The following FAM219A variants were observed in gnomAD, a reference collection of about 807,000 sequenced individuals.
The protein encoded by FAM219A is family with sequence similarity 219 member A.
Under a neutral mutation model 23.4 loss-of-function variants are expected in FAM219A, and 7 were observed. The observed-to-expected ratio is 0.30, with a 90% CI of 0.17 to 0.56. FAM219A has a LOEUF of 0.56. FAM219A is among the 20% of genes least tolerant of loss of function. FAM219A has a pLI of 0.92. For synonymous variants in FAM219A, 93 were observed against 99.0 expected (o/e 0.94, Z 0.36); for missense variants, 166 against 246.9 (o/e 0.67, Z 2.20).
At chr9:34,431,250 A>G (rs1410118116) in intron 1 of FAM219A, among the ~76,000 whole-genome samples, 2 of 152,190 alleles carry the variant, frequency 1.3e-5, no homozygotes, top group Non-Finnish European at 2.9e-5. Context: ...TCAGGATAAA[A>G]TAGACCTGGC....
At chr9:34,428,812 C>T (rs1026327005) in intron 1 of FAM219A, among the ~76,000 whole-genome samples, 1 of 152,186 alleles carries the variant, frequency 6.6e-6, no homozygotes, top group African/African-American at 2.4e-5. Context: ...GTTCTTGTTT[C>T]TTCTCCAGGC....
chr9:34,443,064 T>G (rs750442761), intron 1 of FAM219A, among the ~76,000 whole-genome samples: 11 of 152,118 alleles, frequency 7.2e-5, no homozygotes, highest in Non-Finnish European at 1.6e-4. Context: ...GCTGTTGAAG[T>G]TGGGTGACAA....
intron 1 of FAM219A, among the ~76,000 whole-genome samples, chr9:34,430,490 A>G (rs372052413): frequency 2.9e-4 from 44 of 151,780 alleles, no homozygotes; most frequent in African/African-American, 1.1e-3. Flanking sequence ...ATGAAAAATT[A>G]GCCTGGTGTG....
At chr9:34,430,684 C>A (rs938093393) in intron 1 of FAM219A, among the ~76,000 whole-genome samples, 8 of 132,852 alleles carry the variant, frequency 6.0e-5, no homozygotes, top group East Asian at 2.3e-4. Flanking sequence ...ACAACAACAA[C>A]AAAAAACATT....
chr9:34,447,347 A>G (rs963708177), intron 1 of FAM219A, among the ~76,000 whole-genome samples: 6 of 152,220 alleles, frequency 3.9e-5, no homozygotes, highest in Non-Finnish European at 5.9e-5. Context: ...ACTGACAATA[A>G]TAGAAGTACA....
intron 1 of FAM219A, among the ~76,000 whole-genome samples, chr9:34,442,792 A>C (rs1014274784): frequency 6.6e-6 from 1 of 152,152 alleles, no homozygotes; most frequent in African/African-American, 2.4e-5. Context: ...AAGGATTTTT[A>C]GGGGTGATAA....
intron 1 of FAM219A, among the ~76,000 whole-genome samples, chr9:34,449,953 A>G (rs1395311294): frequency 6.6e-6 from 1 of 152,230 alleles, no homozygotes; most frequent in Admixed American, 6.5e-5. Flanking sequence ...ATGCTGGTCT[A>G]AACCGTGCAT....
At chr9:34,421,478 G>A (rs1203941982) in intron 1 of FAM219A, among the ~76,000 whole-genome samples, 1 of 152,032 alleles carries the variant, frequency 6.6e-6, no homozygotes. Context: ...GAGAGCCTTT[G>A]CCTGCCCACC....
rs1325066237 is a variant in FAM219A at position 34,400,832 on chromosome 9, C to T, written c.*132G>A. 2 of 906,632 alleles carry T rather than the reference C, an allele frequency of 2.2e-6. No individual in the cohort carries two copies. Among genetic ancestry groups the T allele is most frequent in the Non-Finnish European group, 3.2e-6 (2 of 632,776 alleles). 56.2% of individuals were successfully genotyped at this position (906,632 alleles called of 1,614,324 possible). A position where few individuals can be genotyped will look rare whatever the true frequency, so the allele number is the denominator to read the frequency against. On this transcript the variant is annotated 3_prime_UTR_variant, in exon 6 of 6. Transcript: ENST00000651358. ...GTCCTACCATAGGAGGAAGCAATGA[C>T]TGTTATACGAGGTTGGCGGCTGTAG...
At chr9:34,406,701 C>T (rs1821647661) in intron 1 of FAM219A, among the ~76,000 whole-genome samples, 1 of 152,214 alleles carries the variant, frequency 6.6e-6, no homozygotes, top group South Asian at 2.1e-4. Flanking sequence ...GGAAAGCACA[C>T]ATTCTGTGTA....
chr9:34,412,068 T>C (rs1275901089), intron 1 of FAM219A, among the ~76,000 whole-genome samples: 8 of 152,164 alleles, frequency 5.3e-5, no homozygotes, highest in African/African-American at 1.9e-4. Flanking sequence ...ACTCAGAAGA[T>C]GACGGGGAGC....
At chr9:34,402,236 A>G (rs1302059499) in intron 4 of FAM219A, 151 bp downstream of exon 4, 4 of 1,603,444 alleles carry the variant, frequency 2.5e-6, no homozygotes, top group Admixed American at 1.7e-5. Flanking sequence ...TGGTGTAAAA[A>G]AATTCCCATC....
At chr9:34,401,473 A>T (rs1182990213) in intron 5 of FAM219A, among the ~76,000 whole-genome samples, 193 bp downstream of exon 5, 1 of 151,828 alleles carries the variant, frequency 6.6e-6, no homozygotes, top group East Asian at 1.9e-4. Flanking sequence ...CCCACTCCTA[A>T]CCCTGGGCTC....
chr9:34,456,891 C>T (rs1437076863), intron 1 of FAM219A, among the ~76,000 whole-genome samples: 1 of 152,184 alleles, frequency 6.6e-6, no homozygotes, highest in African/African-American at 2.4e-5. Flanking sequence ...TCTACCATCC[C>T]TCAAAAGGTG....
intron 1 of FAM219A, among the ~76,000 whole-genome samples, chr9:34,453,841 C>T (rs919072246): frequency 2.0e-5 from 3 of 152,172 alleles, no homozygotes; most frequent in East Asian, 3.8e-4. Flanking sequence ...ATAGACTGTG[C>T]GGCTGCACCA....
intron 1 of FAM219A, among the ~76,000 whole-genome samples, chr9:34,427,437 A>T (rs1436750523): frequency 8.5e-5 from 13 of 152,212 alleles, no homozygotes. Context: ...TGCCAGGCTC[A>T]GTTAGATCCT....
At chr9:34,456,205 A>T (rs1284051281) in intron 1 of FAM219A, among the ~76,000 whole-genome samples, 1 of 152,176 alleles carries the variant, frequency 6.6e-6, no homozygotes, top group Non-Finnish European at 1.5e-5. Context: ...AAAAAAAGAA[A>T]AAAAAGTATT....
At position 34,399,144 on chromosome 9, in the gene FAM219A, T is replaced by C. The variant is rs1821332068; in HGVS notation, c.*1820A>G. On this transcript the variant is annotated 3_prime_UTR_variant, in exon 6 of 6. Transcript: ENST00000651358. ...GTGGGCTGTGGGTGAGTCTACTGCA[T>C]GCCTGCAGCATGTGAGTGGATCCAT... 1 of 152,312 alleles carries C rather than the reference T, an allele frequency of 6.6e-6. No individual in the cohort carries two copies. The highest frequency in any genetic ancestry group is 1.5e-5 in the Non-Finnish European group (1 of 68,176). The allele number at this position is 152,312 out of a possible 1,614,324, so 9.4% of individuals were successfully genotyped here. A position where few individuals can be genotyped will look rare whatever the true frequency, so the allele number is the denominator to read the frequency against.
chr9:34,448,245 C>T (rs1823438591), intron 1 of FAM219A, among the ~76,000 whole-genome samples: 1 of 152,238 alleles, frequency 6.6e-6, no homozygotes. Flanking sequence ...GGCTGGCTAA[C>T]ATCCCCAAGA....
Sources: allele counts gnomAD v4.1 joint callset (sites outside exome capture counted in the v4.1 genomes callset), GRCh38; gene constraint gnomAD v4.1.1; transcripts MANE v1.5; gene names NCBI Gene and HGNC (gene_info 2026-07-23, HGNC 2026-07-21).